Variants in PCDHA9 observed in about 807,000 individuals in gnomAD.
PCDHA9 encodes protocadherin alpha 9.
PCDHA9 carries 62 observed loss-of-function variants against 62.0 expected under a neutral mutation model. The observed-to-expected ratio is 1.00, with a 90% CI of 0.81 to 1.23. PCDHA9 has a LOEUF of 1.23. Ranked by LOEUF, PCDHA9 falls within the 50% of genes most tolerant of loss-of-function variation. The probability of loss-of-function intolerance (pLI) is 0.00; values close to 1 mark genes in which losing one functional copy is unlikely to be tolerated. For synonymous variants in PCDHA9, 557 were observed against 567.6 expected (o/e 0.98, Z 0.27); for missense variants, 1,205 against 1,249.8 (o/e 0.96, Z 0.54).
Position 140,849,872 on chromosome 5 carries a change from G to C in PCDHA9, c.1377G>C (p.Glu459Asp). ...NDNAPAFAQS[E>D]YTVFVKENNP... ...ACGCACCAGCGTTCGCGCAGTCCGAGTACACGGTGTTCGTGAAGGAGAACA... is the reference window on the plus strand; with the variant it reads ...ACGCACCAGCGTTCGCGCAGTCCGACTACACGGTGTTCGTGAAGGAGAACA... Residue 459 changes from glutamate to aspartate, a missense_variant, in exon 1 of 4, where the codon GAG becomes GAC. Coordinates refer to ENST00000532602, the MANE Select transcript of PCDHA9 (RefSeq NM_031857.2). The C allele has an allele frequency of 6.3e-7, 1 of 1,598,650 alleles. No homozygotes were observed. The highest frequency in any genetic ancestry group is 8.6e-7 in the Non-Finnish European group (1 of 1,168,000).
chr5:140,946,631 T>TATATATATATATATATATAC lies in PCDHA9; in HGVS notation c.2395-32317_2395-32316insTATATATATATATATATACA, dbSNP rs57893927. ...TGTGAAATATATATATATATATATA[T>TATATATATATATATATATAC]ACAATGGAATACTCATCAGCCATTA... On this transcript the variant is annotated intron_variant, in intron 1 of 3. Transcript: ENST00000532602. Among the ~76,000 whole-genome samples, 543 of 131,742 alleles carry TATATATATATATATATATAC rather than the reference T, an allele frequency of 4.1e-3. 35 individuals are homozygous for TATATATATATATATATATAC. Among genetic ancestry groups the TATATATATATATATATATAC allele is most frequent in the African/African-American group, 0.018 (501 of 28,614 alleles). The allele number at this position is 131,742 out of a possible 152,430, so 86.4% of individuals were successfully genotyped here.
At chr5:140,967,548 C>T (rs782750678) in intron 1 of PCDHA9, 15 of 1,613,922 alleles carry the variant, frequency 9.3e-6, no homozygotes, top group Non-Finnish European at 1.3e-5. Context: ...GACCAGTCCA[C>T]TTATCGCGTC....
chr5:140,984,086 A>C (rs187283969), intron 3 of PCDHA9, among the ~76,000 whole-genome samples: 1 of 152,356 alleles, frequency 6.6e-6, no homozygotes, highest in Admixed American at 6.5e-5. Flanking sequence ...GGAGTGAAGA[A>C]ATGATGGAGG....
chr5:140,994,258 G>A (rs2097608740), intron 3 of PCDHA9, among the ~76,000 whole-genome samples: 1 of 152,122 alleles, frequency 6.6e-6, no homozygotes, highest in Admixed American at 6.5e-5. Flanking sequence ...GGTAAATAAG[G>A]TAAGCTAGGC....
chr5:140,969,529 T>C, intron 1 of PCDHA9: 1 of 1,377,800 alleles, frequency 7.3e-7, no homozygotes, highest in Non-Finnish European at 9.7e-7. Flanking sequence ...GTTTTATTTT[T>C]CATTTTCAGA....
chr5:141,000,361 GTCTCTCTCTCTCTCTC>G (rs148596731), intron 3 of PCDHA9, among the ~76,000 whole-genome samples: 6 of 26,448 alleles, frequency 2.3e-4, no homozygotes, highest in African/African-American at 1.2e-3. Context: ...GTCTCTCTCT[GTCTCTCTCTCTCTCTC>G]TCTCTCTCTC....
intron 1 of PCDHA9, chr5:140,928,441 C>A: frequency 4.3e-6 from 7 of 1,614,140 alleles, no homozygotes; most frequent in Non-Finnish European, 5.9e-6. Context: ...TGACTTTGAG[C>A]AGCTCAGGGG....
At chr5:140,994,785 A>G (rs942763350) in intron 3 of PCDHA9, among the ~76,000 whole-genome samples, 2 of 152,168 alleles carry the variant, frequency 1.3e-5, no homozygotes, top group African/African-American at 4.8e-5. Flanking sequence ...AAAGGAAACA[A>G]TGCGTGCATG....
rs2150417748 is a variant in PCDHA9 at position 140,848,694 on chromosome 5, G to A, written c.199G>A (p.Asp67Asn). The A allele has an allele frequency of 6.3e-7, 1 of 1,592,460 alleles. No individual in the cohort carries two copies. The highest frequency in any genetic ancestry group is 1.7e-5 in the Admixed American group (1 of 59,184). ...AELVPRLFQLDSKGRGDLLEV... is the reference protein window; with the variant it reads ...AELVPRLFQLNSKGRGDLLEV... ...GCTGGTGCCGCGCCTGTTCCAGTTG[G>A]ATTCCAAAGGCCGCGGGGACCTTCT... The change falls in exon 1 of 4, where the codon GAT becomes AAT. Residue 67 changes from aspartate to asparagine, a missense_variant. Coordinates refer to ENST00000532602, the MANE Select transcript of PCDHA9 (RefSeq NM_031857.2).
intron 3 of PCDHA9, 155 bp downstream of exon 3, chr5:140,982,718 T>A: frequency 1.1e-6 from 1 of 924,050 alleles, no homozygotes; most frequent in Non-Finnish European, 1.3e-6. Flanking sequence ...CATATATGAT[T>A]ATTTTGATTT....
Position 140,876,041 on chromosome 5 carries a change from T to A in PCDHA9, c.2394+25152T>A, listed in dbSNP as rs1554168219. The A allele has an allele frequency of 1.9e-6, 3 of 1,613,848 alleles. No homozygotes were observed. Among genetic ancestry groups the A allele is most frequent in the South Asian group, 2.2e-5 (2 of 91,072 alleles). On this transcript the variant is annotated intron_variant, in intron 1 of 3. Transcript: ENST00000532602. ...ATAAAAACAAAAAAAGATAAAAGTATATTGCCTGAATTAGTTCTTCGGAAG... is the reference window on the plus strand; with the variant it reads ...ATAAAAACAAAAAAAGATAAAAGTAAATTGCCTGAATTAGTTCTTCGGAAG...
chr5:140,917,106 TC>T (rs1554197830), intron 1 of PCDHA9, among the ~76,000 whole-genome samples: 1 of 152,094 alleles, frequency 6.6e-6, no homozygotes, highest in African/African-American at 2.4e-5. Context: ...GTGCTTTACT[TC>T]CTCCAAGTGC....
rs1554262618 is a variant in PCDHA9, at chr5:141,009,958, C to T, written c.*21C>T. On this transcript the variant is annotated 3_prime_UTR_variant, in exon 4 of 4. Transcript: ENST00000532602. The stretch of plus-strand genomic sequence containing the variant: ...AGTGAGGTCCTCAAATGGAAACAAG[C>T]CACTTAGCCAGTTTTTGTAATAATG... 1.3e-6 allele frequency: 2 copies of T among 1,589,012 alleles called. No homozygotes were observed. The highest frequency in any genetic ancestry group is 1.7e-6 in the Non-Finnish European group (2 of 1,171,000).
chr5:140,939,807 C>G (rs927084385), intron 1 of PCDHA9, among the ~76,000 whole-genome samples: 1 of 152,088 alleles, frequency 6.6e-6, no homozygotes, highest in African/African-American at 2.4e-5. Context: ...TCTGCATGTT[C>G]AAGAAAAAGC....
At chr5:140,980,615 C>T (rs1182621837) in intron 2 of PCDHA9, among the ~76,000 whole-genome samples, 4 of 151,596 alleles carry the variant, frequency 2.6e-5, no homozygotes, top group Admixed American at 6.6e-5. Flanking sequence ...GGCGACAGTG[C>T]GAGACTCTGT....
chr5:140,982,611 T>G, intron 3 of PCDHA9, 48 bp downstream of exon 3: 2 of 1,600,048 alleles, frequency 1.2e-6, no homozygotes, highest in South Asian at 2.2e-5. Flanking sequence ...TGGAAAGTGA[T>G]CAGATGACCT....
At position 140,906,503 on chromosome 5, in the gene PCDHA9, AAAG is replaced by A. The variant is rs537708204; in HGVS notation, c.2394+55618_2394+55620del. Among the ~76,000 whole-genome samples the A allele has an allele frequency of 2.0e-5, 3 of 152,376 alleles. No homozygotes were observed. The South Asian group carries it at 6.2e-4, about 32-fold the overall frequency. On this transcript the variant is annotated intron_variant, in intron 1 of 3. Transcript: ENST00000532602. The stretch of plus-strand genomic sequence containing the variant: ...ATAAATGCACAAACATGTTTTTAAC[AAAG>A]AAGGAGGAAATACTCACGACAATTA...
chr5:140,853,959 GC>G, intron 1 of PCDHA9: 1 of 736,848 alleles, frequency 1.4e-6, no homozygotes, highest in Non-Finnish European at 1.7e-6. Context: ...CCTTCCTTGA[GC>G]CCAGCAGTTT....
At position 140,903,003 on chromosome 5, in the gene PCDHA9, A is replaced by C. The variant is rs115622636; in HGVS notation, c.2394+52114A>C. On this transcript the variant is annotated intron_variant, in intron 1 of 3. Transcript: ENST00000532602. ...TGGTTCCATATTTTTGCAATTGTGAATTGTGCTGCTATCAACATGGCTTGC... is the reference window on the plus strand; with the variant it reads ...TGGTTCCATATTTTTGCAATTGTGACTTGTGCTGCTATCAACATGGCTTGC... Among the ~76,000 whole-genome samples the C allele has an allele frequency of 4.6e-3, 703 of 152,302 alleles. 3 individuals are homozygous for C. The highest frequency in any genetic ancestry group is 0.016 in the African/African-American group (680 of 41,574).
Sources: allele counts gnomAD v4.1 joint callset (sites outside exome capture counted in the v4.1 genomes callset), GRCh38; gene constraint gnomAD v4.1.1; transcripts MANE v1.5; gene names NCBI Gene and HGNC (gene_info 2026-07-23, HGNC 2026-07-21).